Variants in PHACTR1 observed in about 807,000 individuals in gnomAD.
PHACTR1 encodes the protein RPEL repeat containing 1.
PHACTR1 carries 16 observed loss-of-function variants against 69.2 expected under a neutral mutation model. The observed-to-expected ratio is 0.23, with a 90% CI of 0.16 to 0.35. The LOEUF is 0.35. PHACTR1 is among the 10% of genes least tolerant of loss of function. The pLI, the probability that PHACTR1 is intolerant of heterozygous loss-of-function variation, is 1.00. For synonymous variants in PHACTR1, 312 were observed against 284.5 expected, an observed-to-expected ratio of 1.10 and a Z score of -0.97; for missense variants, 510 against 734.7, an observed-to-expected ratio of 0.69 and a Z score of 3.54.
At chr6:13,018,479 G>T (rs1800492012) in intron 4 of PHACTR1, among the ~76,000 whole-genome samples, 1 of 152,136 alleles carries the variant, frequency 6.6e-6, no homozygotes, top group South Asian at 2.1e-4. Flanking sequence ...CCTTGCAAGA[G>T]AAAGTGCTTG....
intron 6 of PHACTR1, among the ~76,000 whole-genome samples, chr6:13,175,754 C>G (rs2113670053): frequency 6.6e-6 from 1 of 152,312 alleles, no homozygotes; most frequent in African/African-American, 2.4e-5. Context: ...CTCTGAATTT[C>G]TGAACCATCT....
intron 5 of PHACTR1, among the ~76,000 whole-genome samples, chr6:13,098,592 A>C (rs1814645929): frequency 6.6e-6 from 1 of 152,182 alleles, no homozygotes; most frequent in Non-Finnish European, 1.5e-5. Flanking sequence ...AAGATGGCCA[A>C]AACTAAACTC....
chr6:12,913,449 A>G (rs1412140590), intron 4 of PHACTR1, among the ~76,000 whole-genome samples: 1 of 152,224 alleles, frequency 6.6e-6, no homozygotes, highest in Non-Finnish European at 1.5e-5. Context: ...CTTCCATCTG[A>G]GACCATGTCT....
At chr6:13,152,939 G>C (rs926273645) in intron 5 of PHACTR1, among the ~76,000 whole-genome samples, 10 of 152,082 alleles carry the variant, frequency 6.6e-5, no homozygotes, top group African/African-American at 2.4e-4. Context: ...AACACTTTCA[G>C]TGGGCTCTGT....
At chr6:12,718,908 T>G (rs555067439) in intron 3 of PHACTR1, 61 bp downstream of exon 3, 18 of 984,404 alleles carry the variant, frequency 1.8e-5, no homozygotes, top group African/African-American at 9.8e-5. Flanking sequence ...TGAACAGCCA[T>G]GTAGGCTGTA....
chr6:13,190,593 G>A (rs939206201), intron 7 of PHACTR1, among the ~76,000 whole-genome samples: 4 of 151,970 alleles, frequency 2.6e-5, no homozygotes, highest in South Asian at 2.1e-4. Context: ...CAGTTGGGTC[G>A]GGTTTCAAAG....
At chr6:12,939,657 C>T (rs928488202) in intron 4 of PHACTR1, among the ~76,000 whole-genome samples, 3 of 152,134 alleles carry the variant, frequency 2.0e-5, no homozygotes, top group Non-Finnish European at 4.4e-5. Context: ...TTCTACATCT[C>T]AGAGCTGCAA....
chr6:12,938,239 C>T (rs948819130), intron 4 of PHACTR1, among the ~76,000 whole-genome samples: 1 of 152,092 alleles, frequency 6.6e-6, no homozygotes, highest in Non-Finnish European at 1.5e-5. Flanking sequence ...ATTTCCTGTC[C>T]TACTGTTTTT....
intron 6 of PHACTR1, among the ~76,000 whole-genome samples, chr6:13,160,546 C>T (rs200425612): frequency 2.0e-5 from 3 of 152,160 alleles, no homozygotes; most frequent in African/African-American, 4.8e-5. Flanking sequence ...GATGTGGCCC[C>T]GGGAATGATG....
At chr6:13,265,338 T>A (rs1486918834) in intron 10 of PHACTR1, among the ~76,000 whole-genome samples, 3 of 127,462 alleles carry the variant, frequency 2.4e-5, no homozygotes, top group Admixed American at 8.5e-5. Context: ...ATCTTACTGT[T>A]AACGAAAAGA....
At chr6:13,271,698 GTTTT>G (rs78271320) in intron 10 of PHACTR1, among the ~76,000 whole-genome samples, 1 of 145,026 alleles carries the variant, frequency 6.9e-6, no homozygotes, top group Non-Finnish European at 1.5e-5. Flanking sequence ...TTTTTTGTTT[GTTTT>G]TTTTTTTAAT....
intron 5 of PHACTR1, among the ~76,000 whole-genome samples, chr6:13,133,968 G>A (rs1175615755): frequency 6.6e-6 from 1 of 151,536 alleles, no homozygotes; most frequent in African/African-American, 2.4e-5. Flanking sequence ...GATGTGAGGA[G>A]CGCCTCTGCC....
chr6:12,817,446 G>A lies in PHACTR1; in HGVS notation c.250+67656G>A, dbSNP rs940144856. Among the ~76,000 whole-genome samples, 8 of 152,266 alleles carry A rather than the reference G, an allele frequency of 5.3e-5. No individual in the cohort carries two copies. In the South Asian group the frequency reaches 1.0e-3, roughly 20 times the overall value. On this transcript the variant is annotated intron_variant, in intron 4 of 14. Coordinates refer to ENST00000332995, the MANE Select transcript of PHACTR1 (RefSeq NM_030948.6). ...GAGAGTCAGATCTGAGATTGAAACCGGGCTCTGCCATATACTGTGGGACCT... is the reference window on the plus strand; with the variant it reads ...GAGAGTCAGATCTGAGATTGAAACCAGGCTCTGCCATATACTGTGGGACCT...
intron 6 of PHACTR1, among the ~76,000 whole-genome samples, chr6:13,165,945 A>C (rs1398985841): frequency 2.0e-5 from 3 of 152,094 alleles, no homozygotes; most frequent in African/African-American, 7.2e-5. Flanking sequence ...GTGGCTCCAC[A>C]TTTCACTCAG....
chr6:12,932,324 C>T (rs1230449938), intron 4 of PHACTR1, among the ~76,000 whole-genome samples: 1 of 152,162 alleles, frequency 6.6e-6, no homozygotes, highest in Non-Finnish European at 1.5e-5. Context: ...ATTTCTCATT[C>T]ATCAGCCTGT....
At chr6:13,146,786 C>T (rs1041124830) in intron 5 of PHACTR1, among the ~76,000 whole-genome samples, 10 of 152,206 alleles carry the variant, frequency 6.6e-5, no homozygotes, top group African/African-American at 2.4e-4. Context: ...ATACTTCCTA[C>T]ATCTGGAAGG....
intron 7 of PHACTR1, among the ~76,000 whole-genome samples, chr6:13,200,218 C>CTTTTT (rs35273566): frequency 3.5e-4 from 53 of 149,522 alleles, no homozygotes; most frequent in African/African-American, 1.1e-3. Context: ...TGGGAAGAAT[C>CTTTTT]TTTTTTTTTT....
At chr6:13,121,638 G>A (rs1283894744) in intron 5 of PHACTR1, among the ~76,000 whole-genome samples, 1 of 152,098 alleles carries the variant, frequency 6.6e-6, no homozygotes, top group African/African-American at 2.4e-5. Flanking sequence ...GACATGAAAG[G>A]GACTCAAGGT....
At chr6:12,932,085 C>A (rs1397817955) in intron 4 of PHACTR1, among the ~76,000 whole-genome samples, 3 of 152,136 alleles carry the variant, frequency 2.0e-5, no homozygotes, top group Non-Finnish European at 4.4e-5. Flanking sequence ...TTAAATAAGT[C>A]TTCCAGATTA....
Sources: gnomAD v4.1 joint callset for allele counts (sites outside exome capture counted in the v4.1 genomes callset) on GRCh38, gnomAD v4.1.1 for gene constraint, MANE v1.5 for transcripts, NCBI Gene and HGNC (gene_info 2026-07-23, HGNC 2026-07-21) for gene names.